USP7: variants seen among roughly 807,000 people sequenced by gnomAD.
USP7 encodes the protein ubiquitin specific peptidase 7.
A neutral mutation model predicts 162.9 loss-of-function variants in USP7; 9 were observed. The ratio of observed to expected loss-of-function variants is 0.06; its 90% CI spans 0.03 to 0.10. USP7 has a LOEUF of 0.10. Ranked by LOEUF, USP7 falls within the 10% of genes least tolerant of loss-of-function variation. USP7 has a pLI of 1.00. For synonymous variants in USP7, 562 were observed against 475.9 expected (o/e 1.18, Z -2.35); for missense variants, 715 against 1,373.7 (o/e 0.52, Z 7.58).
chr16:8,910,402 A>G (rs2061928240), intron 11 of USP7, among the ~76,000 whole-genome samples: 1 of 152,236 alleles, frequency 6.6e-6, no homozygotes, highest in Non-Finnish European at 1.5e-5. Context: ...ACCTAAACAC[A>G]GTCCAACTTA....
At chr16:8,940,800 C>G (rs541401177) in intron 1 of USP7, among the ~76,000 whole-genome samples, 1 of 152,098 alleles carries the variant, frequency 6.6e-6, no homozygotes, top group Non-Finnish European at 1.5e-5. Flanking sequence ...GAATATTAGC[C>G]GGACATGGTG....
chr16:8,958,010 GC>G (rs1899879125), intron 1 of USP7, among the ~76,000 whole-genome samples: 1 of 152,114 alleles, frequency 6.6e-6, no homozygotes, highest in African/African-American at 2.4e-5. Context: ...AGAGCCACTT[GC>G]CAGCCAGCCA....
At chr16:8,944,332 G>C (rs1006067258) in intron 1 of USP7, among the ~76,000 whole-genome samples, 2 of 152,146 alleles carry the variant, frequency 1.3e-5, no homozygotes, top group African/African-American at 4.8e-5. Flanking sequence ...GTCAGGAGGA[G>C]GCCAGAGTCC....
intron 1 of USP7, chr16:8,962,870 C>T (rs1324872347): frequency 1.9e-5 from 3 of 156,128 alleles, no homozygotes; most frequent in Non-Finnish European, 4.2e-5. Flanking sequence ...CGGGGACGGT[C>T]CCCGGAGTCC....
At chr16:8,922,788 C>G (rs754144696) in intron 3 of USP7, among the ~76,000 whole-genome samples, 1 of 152,192 alleles carries the variant, frequency 6.6e-6, no homozygotes, top group Admixed American at 6.5e-5. Context: ...AAATGTTCCT[C>G]AAGTCAGAGG....
chr16:8,922,069 T>C (rs1164638677), intron 3 of USP7, among the ~76,000 whole-genome samples: 1 of 152,120 alleles, frequency 6.6e-6, no homozygotes, highest in Non-Finnish European at 1.5e-5. Flanking sequence ...GCTAAAGTTG[T>C]CCATCGGACT....
intron 5 of USP7, 77 bp from the exon 6 acceptor site, chr16:8,919,216 T>C: frequency 1.4e-6 from 2 of 1,464,584 alleles, no homozygotes; most frequent in Non-Finnish European, 1.9e-6. Context: ...GCAATCTGAC[T>C]CAAGGTCAGC....
At position 8,901,016 on chromosome 16, in the gene USP7, G is replaced by C. The variant is rs760661247; in HGVS notation, c.2182C>G (p.Gln728Glu). 5 of 1,613,940 alleles carry C rather than the reference G, an allele frequency of 3.1e-6. No homozygotes were observed. The African/African-American group carries it at 6.7e-5, about 22-fold the overall frequency. ...PVMCDRAGFIQDTSLILYEEV... is the reference protein window; with the variant it reads ...PVMCDRAGFIEDTSLILYEEV... ...TCATAGAGGATAAGGCTAGTATCTT[G>C]AATAAATCCTGCTCTGTCACACATA... is the stretch of plus-strand genomic sequence containing the variant. Residue 728 changes from glutamine to glutamate, a missense_variant, in exon 20 of 31, where the codon CAA (glutamine) becomes GAA (glutamate). Gln to Glu is a conservative substitution (Grantham distance 29). Transcript: ENST00000344836.
At chr16:8,896,265 C>T (rs2061680309) in intron 26 of USP7, among the ~76,000 whole-genome samples, 1 of 151,642 alleles carries the variant, frequency 6.6e-6, no homozygotes, top group South Asian at 2.1e-4. Flanking sequence ...GTGGAAATGG[C>T]CACATTTGGG....
intron 27 of USP7, 50 bp from the exon 28 acceptor site, chr16:8,895,200 CAA>C: frequency 6.2e-7 from 1 of 1,612,744 alleles, no homozygotes; most frequent in Non-Finnish European, 8.5e-7. Context: ...GTGATGTGGT[CAA>C]AGTGTCCACA....
intron 16 of USP7, among the ~76,000 whole-genome samples, chr16:8,903,062 G>C (rs2061802712): frequency 6.6e-6 from 1 of 152,188 alleles, no homozygotes; most frequent in Non-Finnish European, 1.5e-5. Flanking sequence ...GCAAAATCCT[G>C]TGGGTTCCCC....
At chr16:8,916,604 T>C (rs755173525) in intron 7 of USP7, 48 bp from the exon 8 acceptor site, 46 of 1,548,630 alleles carry the variant, frequency 3.0e-5, no homozygotes, top group Middle Eastern at 3.4e-4. Context: ...AACTTTCAAA[T>C]GAGCAAATTA....
At chr16:8,897,726 AATATATATAT>A (rs1555461672) in intron 25 of USP7, among the ~76,000 whole-genome samples, 1 of 7,138 alleles carries the variant, frequency 1.4e-4, no homozygotes, top group South Asian at 7.5e-3. Context: ...AAAAAAAAAA[AATATATATAT>A]ATATATATAT....
chr16:8,892,194 C>T lies in USP7; in HGVS notation c.*1804G>A, dbSNP rs1441157342. 1 of 152,236 alleles carries T rather than the reference C, an allele frequency of 6.6e-6. No homozygotes were observed. Among genetic ancestry groups the T allele is most frequent in the African/African-American group, 2.4e-5 (1 of 41,440 alleles). 9.4% of individuals were successfully genotyped at this position (152,236 alleles called of 1,614,324 possible). A position where few individuals can be genotyped will look rare whatever the true frequency, so the allele number is the denominator to read the frequency against. On this transcript the variant is annotated 3_prime_UTR_variant, in exon 31 of 31. Coordinates refer to ENST00000344836, the MANE Select transcript of USP7 (RefSeq NM_003470.3). ...CCAGCCCAGAACAAAAACAAGACACCTTAATGTTTGTTCAAAGACAAACCC... is the reference window on the plus strand; with the variant it reads ...CCAGCCCAGAACAAAAACAAGACACTTTAATGTTTGTTCAAAGACAAACCC...
intron 1 of USP7, among the ~76,000 whole-genome samples, chr16:8,940,270 C>A (rs1163614181): frequency 6.6e-6 from 1 of 152,214 alleles, no homozygotes; most frequent in Non-Finnish European, 1.5e-5. Context: ...CATCTGGCCT[C>A]TGCAAGTAGC....
intron 2 of USP7, among the ~76,000 whole-genome samples, chr16:8,924,789 C>T (rs1460109914): frequency 6.6e-6 from 1 of 152,212 alleles, no homozygotes; most frequent in Non-Finnish European, 1.5e-5. Context: ...ATATCAAAAG[C>T]ATGTGTGACG....
At chr16:8,922,663 TC>T (rs1897763263) in intron 3 of USP7, among the ~76,000 whole-genome samples, 2 of 152,250 alleles carry the variant, frequency 1.3e-5, no homozygotes, top group Non-Finnish European at 2.9e-5. Context: ...TGGTCCGTAC[TC>T]CCAGAATCAA....
rs561143229 is a variant in USP7 at position 8,932,803 on chromosome 16, T to C, written c.80-2406A>G. Among the ~76,000 whole-genome samples, 3 of 152,270 alleles carry C rather than the reference T, an allele frequency of 2.0e-5. No homozygotes were observed. The East Asian group carries it at 5.8e-4, about 29-fold the overall frequency. ...GGGGCTGGGGATGGACAAAGCAGGA[T>C]AGTGCCTTATCTGCGACATTTAAAG... On this transcript the variant is annotated intron_variant, in intron 1 of 30. Coordinates refer to ENST00000344836, the MANE Select transcript of USP7 (RefSeq NM_003470.3).
Position 8,915,326 on chromosome 16 carries a change from C to T in USP7, c.1006G>A (p.Glu336Lys), listed in dbSNP as rs1414477841. ...CTTCTATCAGACCGATAGTCTACTT[C>T]TTTACACTGGATATAGGACTGCAAA... ...GKMVSYIQCK[E>K]VDYRSDRRED... The change falls in exon 10 of 31, where the codon GAA becomes AAA. Residue 336 changes from glutamate (E) to lysine (K), a missense_variant. Physicochemically the swap from Glu to Lys is moderately conservative, Grantham distance 56. This residue lies in a region of USP7 where 15 missense variants were observed against 27.0 expected (regional missense o/e 0.56). Transcript: ENST00000344836. 1 of 1,613,268 alleles carries T rather than the reference C, an allele frequency of 6.2e-7. No individual in the cohort carries two copies. The highest frequency in any genetic ancestry group is 8.5e-7 in the Non-Finnish European group (1 of 1,179,850).
Sources: allele counts gnomAD v4.1 joint callset (sites outside exome capture counted in the v4.1 genomes callset), GRCh38; gene constraint gnomAD v4.1.1; regional missense constraint gnomAD v4.1.1; transcripts MANE v1.5; gene names NCBI Gene and HGNC (gene_info 2026-07-23, HGNC 2026-07-21).